Variants in DGKB observed in about 807,000 individuals in gnomAD.
DGKB encodes diacylglycerol kinase beta.
Under a neutral mutation model 114.3 loss-of-function variants are expected in DGKB, and 67 were observed. The ratio of observed to expected loss-of-function variants is 0.59; its 90% CI spans 0.48 to 0.72. The LOEUF (loss-of-function observed/expected upper bound fraction) is 0.72. Among genes scored for constraint, DGKB ranks in the 30% least tolerant of loss-of-function variants. DGKB has a pLI of 0.00. For synonymous variants in DGKB, 398 were observed against 323.1 expected (o/e 1.23, Z -2.49); for missense variants, 907 against 975.2 (o/e 0.93, Z 0.93).
intron 23 of DGKB, chr7:14,209,569 GC>G: frequency 6.1e-6 from 3 of 488,552 alleles, no homozygotes; most frequent in Non-Finnish European, 1.3e-5. Context: ...TAAAATGGGG[GC>G]TCCAGAGGTT....
chr7:14,589,870 C>A (rs1801394860), intron 17 of DGKB, among the ~76,000 whole-genome samples: 1 of 151,924 alleles, frequency 6.6e-6, no homozygotes, highest in Non-Finnish European at 1.5e-5. Context: ...CCACTTTTGT[C>A]TACTTTTTAA....
At chr7:14,551,811 A>G (rs184832099) in intron 20 of DGKB, among the ~76,000 whole-genome samples, 30 of 152,282 alleles carry the variant, frequency 2.0e-4, no homozygotes, top group Admixed American at 7.2e-4. Context: ...GTTTGCTTAA[A>G]TCTTTCATTA....
At chr7:14,885,391 T>A (rs1377628641) in intron 1 of DGKB, among the ~76,000 whole-genome samples, 1 of 151,722 alleles carries the variant, frequency 6.6e-6, no homozygotes, top group Non-Finnish European at 1.5e-5. Context: ...AACCTGGAGT[T>A]GTGGATGAAG....
At chr7:14,873,422 A>G (rs1286120295) in intron 1 of DGKB, among the ~76,000 whole-genome samples, 1 of 152,074 alleles carries the variant, frequency 6.6e-6, no homozygotes, top group African/African-American at 2.4e-5. Flanking sequence ...ATTTTTCTAT[A>G]TTCTGATCAC....
At chr7:14,209,185 A>G (rs199701925) in intron 23 of DGKB, 2 of 219,470 alleles carry the variant, frequency 9.1e-6, no homozygotes. Context: ...AAAAAAAAAA[A>G]CGCCAAATTT....
chr7:14,202,487 T>C (rs2128291189), intron 23 of DGKB, among the ~76,000 whole-genome samples: 1 of 152,168 alleles, frequency 6.6e-6, no homozygotes, highest in African/African-American at 2.4e-5. Flanking sequence ...TGACTAACTC[T>C]TGTCAATCCT....
intron 9 of DGKB, among the ~76,000 whole-genome samples, chr7:14,687,406 T>C (rs1821905160): frequency 6.6e-6 from 1 of 152,212 alleles, no homozygotes; most frequent in Non-Finnish European, 1.5e-5. Context: ...ACAGGTGTTT[T>C]AATTTTCTTT....
rs746148695 is a variant in DGKB at position 14,576,406 on chromosome 7, C to CAT, written c.1610-2036_1610-2035dup. On this transcript the variant is annotated intron_variant, in intron 19 of 25. Transcript: ENST00000402815. Reference sequence around the variant, plus strand: ...AATAGCTCCCCAAATAAATTATATACATATATATATTATTTTACCTACTGA... The same window carrying CAT: ...AATAGCTCCCCAAATAAATTATATACATATATATATATTATTTTACCTACTGA... Among the ~76,000 whole-genome samples the CAT allele has an allele frequency of 1.4e-3, 206 of 151,592 alleles. 1 individual carries two copies. Among genetic ancestry groups the CAT allele is most frequent in the Non-Finnish European group, 2.3e-3 (156 of 67,874 alleles).
rs567721222 is a variant in DGKB at position 14,184,239 on chromosome 7, A to G, written c.2123-6088T>C. Among the ~76,000 whole-genome samples the G allele has an allele frequency of 3.3e-5, 5 of 152,270 alleles. No individual in the cohort carries two copies. The East Asian group carries it at 9.7e-4, about 30-fold the overall frequency. On this transcript the variant is annotated intron_variant, in intron 23 of 25. Transcript: ENST00000402815. ...CAGGGGGTAAAACTCCACAGGGAGA[A>G]GGAAATCTCTAGCTAAACTTTGTAA...
chr7:14,370,938 T>A, intron 21 of DGKB, among the ~76,000 whole-genome samples: 1 of 152,280 alleles, frequency 6.6e-6, no homozygotes, highest in African/African-American at 2.4e-5. Flanking sequence ...GTTCCTCAGT[T>A]AATTTAGTTA....
At chr7:14,733,721 GAGAAAGAAATAAAGA>G (rs71954786) in intron 5 of DGKB, among the ~76,000 whole-genome samples, 3,687 of 146,106 alleles carry the variant, frequency 0.025, 83 homozygotes, top group African/African-American at 0.059. Context: ...AAGAGAGAAA[GAGAAAGAAATAAAGA>G]AGAAAGAAAT....
chr7:14,630,281 A>G lies in DGKB; in HGVS notation c.1135-13T>C, dbSNP rs776571983. 7 of 1,552,826 alleles carry G rather than the reference A, an allele frequency of 4.5e-6. No individual in the cohort carries two copies. The highest frequency in any genetic ancestry group is 6.1e-6 in the Non-Finnish European group (7 of 1,148,470). On this transcript the variant is annotated splice_polypyrimidine_tract_variant and intron_variant, in intron 13 of 25. Coordinates refer to ENST00000402815, the MANE Select transcript of DGKB (RefSeq NM_001350709.2). ...AAGTGGGCAGAGTCTGCTGAAAAAG[A>G]GAAGTTCATATGAAAGCTGAAAAAG...
At chr7:14,624,632 C>A (rs1318441531) in intron 14 of DGKB, among the ~76,000 whole-genome samples, 1 of 152,038 alleles carries the variant, frequency 6.6e-6, no homozygotes, top group Non-Finnish European at 1.5e-5. Flanking sequence ...GCATCATGTC[C>A]CTCCAAGTAG....
At chr7:14,348,832 C>A (rs573008126) in intron 21 of DGKB, among the ~76,000 whole-genome samples, 20 of 151,532 alleles carry the variant, frequency 1.3e-4, no homozygotes, top group Non-Finnish European at 2.9e-4. Context: ...AGAAGGCAAG[C>A]AGAGAAGGAA....
At chr7:14,188,490 C>T (rs1179485903) in intron 23 of DGKB, among the ~76,000 whole-genome samples, 1 of 133,586 alleles carries the variant, frequency 7.5e-6, no homozygotes. Flanking sequence ...GAAACCCCGT[C>T]TCTACTAAAA....
intron 2 of DGKB, among the ~76,000 whole-genome samples, chr7:14,784,886 A>C (rs1839658191): frequency 6.6e-6 from 1 of 151,826 alleles, no homozygotes; most frequent in Non-Finnish European, 1.5e-5. Flanking sequence ...TGATCCCTAC[A>C]ATATATTCTA....
chr7:14,597,824 A>G lies in DGKB; in HGVS notation c.1433+9610T>C, dbSNP rs541915872. 2.8e-4 allele frequency among the ~76,000 whole-genome samples: 42 copies of G among 152,232 alleles called. No individual in the cohort carries two copies. In the South Asian group the frequency reaches 7.9e-3, roughly 29 times the overall value. ...CAGTAGGAGAATAACTGAATAATTTACATGTGTGTGTGTGTGCATGCATGT... is the reference window on the plus strand; with the variant it reads ...CAGTAGGAGAATAACTGAATAATTTGCATGTGTGTGTGTGTGCATGCATGT... On this transcript the variant is annotated intron_variant, in intron 17 of 25. Transcript: ENST00000402815.
chr7:14,193,962 AT>A (rs1411046343), intron 23 of DGKB, among the ~76,000 whole-genome samples: 3 of 152,154 alleles, frequency 2.0e-5, no homozygotes, highest in African/African-American at 7.2e-5. Context: ...AATACCACTA[AT>A]CATAAAGGAA....
Position 14,206,636 on chromosome 7 carries a change from A to C in DGKB, c.2123-28485T>G, listed in dbSNP as rs544778529. Among the ~76,000 whole-genome samples the C allele has an allele frequency of 7.2e-5, 11 of 152,168 alleles. No homozygotes were observed. In the South Asian group the frequency reaches 1.7e-3, roughly 23 times the overall value. On this transcript the variant is annotated intron_variant, in intron 23 of 25. Coordinates refer to ENST00000402815, the MANE Select transcript of DGKB (RefSeq NM_001350709.2). The stretch of plus-strand genomic sequence containing the variant: ...ATTTTTTACAGTAAACAACATAATC[A>C]GATTTTTGATGTTGAGAAATCACAT...
Sources: gnomAD v4.1 joint callset for allele counts (sites outside exome capture counted in the v4.1 genomes callset) on GRCh38, gnomAD v4.1.1 for gene constraint, MANE v1.5 for transcripts, NCBI Gene and HGNC (gene_info 2026-07-23, HGNC 2026-07-21) for gene names.